The following LILRB1 variants were observed in gnomAD, a reference collection of about 807,000 sequenced individuals.
The protein encoded by LILRB1 is leukocyte immunoglobulin like receptor B1, also known as leukocyte immunoglobulin-like receptor subfamily B member 1.
In LILRB1, 59 loss-of-function variants were observed where a neutral mutation model predicts 74.6. The observed-to-expected ratio is 0.79, with a 90% CI of 0.64 to 0.98. The LOEUF is 0.98. Ranked by LOEUF, LILRB1 falls within the 50% of genes least tolerant of loss-of-function variation. The probability of loss-of-function intolerance (pLI) is 0.00; values close to 1 mark genes in which losing one functional copy is unlikely to be tolerated. For missense variants in LILRB1, 804 were observed against 822.6 expected (o/e 0.98, Z 0.28); for synonymous variants, 328 against 333.9 (o/e 0.98, Z 0.19).
chr19:54,632,598 C>T lies in LILRB1; in HGVS notation c.796C>T (p.Leu266Phe). The change falls in exon 6 of 15, where the codon CTT (leucine) becomes TTT (phenylalanine). Residue 266 changes from leucine (L) to phenylalanine (F), a missense_variant. Coordinates refer to ENST00000324602, the MANE Select transcript of LILRB1 (RefSeq NM_001081637.3). ...VLYKDGERDF[L>F]QLAGAQPQAG... ...GTATAAGGACGGGGAACGTGACTTC[C>T]TTCAGCTCGCTGGCGCACAGCCCCA... The T allele has an allele frequency of 6.2e-7, 1 of 1,614,170 alleles. No homozygotes were observed. The highest frequency in any genetic ancestry group is 8.5e-7 in the Non-Finnish European group (1 of 1,180,014).
intron 1 of LILRB1, among the ~76,000 whole-genome samples, chr19:54,619,965 T>TTC (rs2063411597): frequency 6.6e-6 from 1 of 151,652 alleles, no homozygotes; most frequent in Non-Finnish European, 1.5e-5. Flanking sequence ...TTTTTTTTTT[T>TTC]TCACTTGAAA....
At chr19:54,634,077 G>C in intron 9 of LILRB1, 56 bp downstream of exon 9, 2 of 1,557,864 alleles carry the variant, frequency 1.3e-6, no homozygotes, top group Non-Finnish European at 1.7e-6. Context: ...GCAGGGGTGG[G>C]TTCTGTCCTA....
intron 1 of LILRB1, among the ~76,000 whole-genome samples, chr19:54,624,492 C>G (rs1446630918): frequency 6.6e-6 from 1 of 152,096 alleles, no homozygotes; most frequent in Non-Finnish European, 1.5e-5. Flanking sequence ...TGTCTGTTGT[C>G]TGACGTGGTA....
chr19:54,624,530 C>T (rs2063530497), intron 1 of LILRB1, among the ~76,000 whole-genome samples: 1 of 152,110 alleles, frequency 6.6e-6, no homozygotes, highest in Non-Finnish European at 1.5e-5. Flanking sequence ...GGATGTGGGG[C>T]TTCTGCCTCT....
At chr19:54,627,321 C>T (rs1318435686), upstream of LILRB1, among the ~76,000 whole-genome samples, 1 of 152,174 alleles carries the variant, frequency 6.6e-6, no homozygotes, top group Non-Finnish European at 1.5e-5. Context: ...TCAGGTTAAA[C>T]TTCGTAACCC....
upstream of LILRB1, among the ~76,000 whole-genome samples, chr19:54,626,162 C>T (rs1400392680): frequency 5.9e-5 from 9 of 152,350 alleles, no homozygotes; most frequent in East Asian, 1.7e-3. Context: ...CAACTTGAAC[C>T]TCAGCCCACA....
intron 8 of LILRB1, 125 bp downstream of exon 8, chr19:54,633,813 A>G: frequency 1.4e-6 from 2 of 1,451,884 alleles, no homozygotes. Flanking sequence ...GCAGAGCCAG[A>G]GGAGGGGCCA....
At position 54,633,011 on chromosome 19, in the gene LILRB1, T is replaced by A; in HGVS notation, c.959-5T>A. The A allele has an allele frequency of 6.2e-7, 1 of 1,611,946 alleles. No individual in the cohort carries two copies. Among genetic ancestry groups the A allele is most frequent in the Non-Finnish European group, 8.5e-7 (1 of 1,179,148 alleles). On this transcript the variant is annotated splice_polypyrimidine_tract_variant and splice_region_variant and intron_variant, in intron 6 of 14. Coordinates refer to ENST00000324602, the MANE Select transcript of LILRB1 (RefSeq NM_001081637.3). Reference sequence around the variant, plus strand: ...CAGCCCCTCGCCCATCCTTCTTCTCTCCAGGACAGTTCTATGACAGAGTCT... The same window carrying A: ...CAGCCCCTCGCCCATCCTTCTTCTCACCAGGACAGTTCTATGACAGAGTCT...
chr19:54,636,591 C>T lies in LILRB1; in HGVS notation c.1751C>T (p.Ser584Phe). Residue 584 changes from serine (S) to phenylalanine (F), a missense_variant, in exon 14 of 15, where the codon TCT (serine) becomes TTT (phenylalanine). Ser to Phe is a radical substitution (Grantham distance 155). Transcript: ENST00000324602. ...ATGGCCTCTCCTCCTTCCCCACTGT[C>T]TGGGGAATTCCTGGACACAAAGGAC... ...REMASPPSPL[S>F]GEFLDTKDRQ... 6.2e-7 allele frequency: 1 copy of T among 1,609,266 alleles called. No homozygotes were observed. Among genetic ancestry groups the T allele is most frequent in the African/African-American group, 1.3e-5 (1 of 74,814 alleles).
rs2363872 is a variant in LILRB1, at chr19:54,634,520, C to G, written c.1364-121C>G. The G allele has an allele frequency of 5.8e-4, 879 of 1,519,282 alleles. 3 individuals carry two copies. The East Asian group carries it at 6.4e-3, about 11-fold the overall frequency. 94.1% of individuals were successfully genotyped at this position (1,519,282 alleles called of 1,614,324 possible). On this transcript the variant is annotated intron_variant, in intron 9 of 14. Transcript: ENST00000324602. ...TGTACAGTGGGTGGGGTGGATGTTT[C>G]TGTGCTGCACGACTGTTGTGGGGGT...
Position 54,631,451 on chromosome 19 carries a change from T to C in LILRB1, c.71-49T>C, listed in dbSNP as rs371095141. 2.5e-6 allele frequency: 4 copies of C among 1,597,044 alleles called. No homozygotes were observed. The African/African-American group carries it at 4.1e-5, about 16-fold the overall frequency. ...TCCTGGGCTGAGAGCTGGAATCTGC[T>C]GGGTTGGGTGGGAAATGAGTTAGAA... On this transcript the variant is annotated intron_variant, in intron 3 of 14. Transcript: ENST00000324602.
upstream of LILRB1, among the ~76,000 whole-genome samples, chr19:54,626,559 A>G (rs1274990234): frequency 1.3e-5 from 2 of 152,112 alleles, no homozygotes; most frequent in African/African-American, 4.8e-5. Flanking sequence ...GAAAAATTTA[A>G]TAGATATTCC....
Position 54,635,600 on chromosome 19 carries a change from G to A in LILRB1, c.1644G>A (p.Met548Ile), listed in dbSNP as rs199662863. ...CACAGCCTGAGGATGGGGTGGAGATGGACACTCGGGTGAGACCCCACCCCT... is the reference window on the plus strand; with the variant it reads ...CACAGCCTGAGGATGGGGTGGAGATAGACACTCGGGTGAGACCCCACCCCT... ...KHTQPEDGVE[M>I]DTRQSPHDED... The change falls in exon 13 of 15, where the codon ATG becomes ATA. Residue 548 changes from methionine (M) to isoleucine (I), a missense_variant. Coordinates refer to ENST00000324602, the MANE Select transcript of LILRB1 (RefSeq NM_001081637.3). The A allele has an allele frequency of 2.3e-5, 37 of 1,613,914 alleles. No individual in the cohort carries two copies. The highest frequency in any genetic ancestry group is 2.9e-5 in the Non-Finnish European group (34 of 1,180,006).
Position 54,632,733 on chromosome 19 carries a change from A to G in LILRB1, c.931A>G (p.Ser311Gly), listed in dbSNP as rs1358880327. ...CCTCTCCTCCGAGTGGTCGGCCCCC[A>G]GCGACCCCCTGGACATCCTGATCGC... Reference protein sequence around the residue: ...HNLSSEWSAPSDPLDILIAGQ... With the variant: ...HNLSSEWSAPGDPLDILIAGQ... Residue 311 changes from serine to glycine, a missense_variant, in exon 6 of 15, where the codon AGC becomes GGC. Ser to Gly is a moderately conservative substitution (Grantham distance 56). Coordinates refer to ENST00000324602, the MANE Select transcript of LILRB1 (RefSeq NM_001081637.3). The G allele has an allele frequency of 6.2e-7, 1 of 1,612,360 alleles. No homozygotes were observed. Among genetic ancestry groups the G allele is most frequent in the South Asian group, 1.1e-5 (1 of 91,006 alleles).
rs982853962 is a variant in LILRB1, at chr19:54,637,528, T to TAAAAAA, written c.*663_*668dup. On this transcript the variant is annotated 3_prime_UTR_variant, in exon 15 of 15. Coordinates refer to ENST00000324602, the MANE Select transcript of LILRB1 (RefSeq NM_001081637.3). ...GACAGAGGGAGACTCCATCTCAAAT[T>TAAAAAA]AAAAAAAAAAAAAAAAAAGAAAGAA... 5.1e-5 allele frequency: 4 copies of TAAAAAA among 78,842 alleles called. No individual in the cohort carries two copies. Among genetic ancestry groups the TAAAAAA allele is most frequent in the African/African-American group, 1.3e-4 (3 of 22,908 alleles). 4.9% of individuals were successfully genotyped at this position (78,842 alleles called of 1,614,324 possible). A position where few individuals can be genotyped will look rare whatever the true frequency, so the allele number is the denominator to read the frequency against.
At chr19:54,625,719 C>T (rs1316404055), upstream of LILRB1, among the ~76,000 whole-genome samples, 2 of 150,678 alleles carry the variant, frequency 1.3e-5, no homozygotes, top group South Asian at 2.1e-4. Flanking sequence ...CACTCACTCA[C>T]CCCTTCCCCG....
At position 54,633,641 on chromosome 19, in the gene LILRB1, C is replaced by G. The variant is rs376284831; in HGVS notation, c.1265C>G (p.Pro422Arg). ...SDPLELVVSG[P>R]SGGPSSPTTG... Reference sequence around the variant, plus strand: ...CTCCTCTCATTCTTTTACCCAGGACCGTCTGGGGGCCCCAGCTCCCCGACA... The same window carrying G: ...CTCCTCTCATTCTTTTACCCAGGACGGTCTGGGGGCCCCAGCTCCCCGACA... The change falls in exon 8 of 15, where the codon CCG (proline) becomes CGG (arginine). Residue 422 changes from proline (P) to arginine (R), a missense_variant. Physicochemically the swap from Pro to Arg is moderately radical, Grantham distance 103 (BLOSUM62 -2). Transcript: ENST00000324602. The G allele has an allele frequency of 2.7e-5, 43 of 1,613,268 alleles. No individual in the cohort carries two copies. The highest frequency in any genetic ancestry group is 3.3e-4 in the Middle Eastern group (2 of 6,076).
Position 54,632,661 on chromosome 19 carries a change from G to A in LILRB1, c.859G>A (p.Val287Met). The part of the protein sequence containing the change: ...LSQANFTLGP[V>M]SRSYGGQYRC... ...CCAGGCCAACTTCACCCTGGGCCCT[G>A]TGAGCCGCTCCTACGGGGGCCAGTA... The change falls in exon 6 of 15, where the codon GTG (valine) becomes ATG (methionine). Residue 287 changes from valine to methionine, a missense_variant. Coordinates refer to ENST00000324602, the MANE Select transcript of LILRB1 (RefSeq NM_001081637.3). 1 of 1,613,856 alleles carries A rather than the reference G, an allele frequency of 6.2e-7. No homozygotes were observed. The highest frequency in any genetic ancestry group is 1.7e-5 in the Admixed American group (1 of 60,022).
At position 54,637,098 on chromosome 19, in the gene LILRB1, C is replaced by CT; in HGVS notation, c.*221dup. ...ATAATCAATGAAGTAGCTGAGAAAA[C>CT]TAAGTCAGAAAGTGCATTAAACTGA... is the stretch of plus-strand genomic sequence containing the variant. On this transcript the variant is annotated 3_prime_UTR_variant, in exon 15 of 15. Transcript: ENST00000324602. 2 of 569,072 alleles carry CT rather than the reference C, an allele frequency of 3.5e-6. No homozygotes were observed. The highest frequency in any genetic ancestry group is 5.7e-5 in the East Asian group (2 of 35,364). 35.3% of individuals were successfully genotyped at this position (569,072 alleles called of 1,614,324 possible). A position where few individuals can be genotyped will look rare whatever the true frequency, so the allele number is the denominator to read the frequency against.
Sources: gnomAD v4.1 joint callset for allele counts (sites outside exome capture counted in the v4.1 genomes callset) on GRCh38, gnomAD v4.1.1 for gene constraint, MANE v1.5 for transcripts, NCBI Gene and HGNC (gene_info 2026-07-23, HGNC 2026-07-21) for gene names.